Variants in DNAJB5 observed in about 807,000 individuals in gnomAD.
DNAJB5 encodes the protein dnaJ homolog subfamily B member 5.
DNAJB5 carries 12 observed loss-of-function variants against 32.6 expected under a neutral mutation model. The ratio of observed to expected loss-of-function variants is 0.37; its 90% CI spans 0.24 to 0.60. DNAJB5 has a LOEUF of 0.60. Among genes scored for constraint, DNAJB5 ranks in the 20% least tolerant of loss-of-function variants. The probability of loss-of-function intolerance (pLI) is 0.71; values close to 1 mark genes in which losing one functional copy is unlikely to be tolerated. For missense variants in DNAJB5, 358 were observed against 554.2 expected, an observed-to-expected ratio of 0.65 and a Z score of 3.55; for synonymous variants, 188 against 212.9, an observed-to-expected ratio of 0.88 and a Z score of 1.02.
At chr9:34,995,771 C>T (rs1186753642) in intron 3 of DNAJB5, among the ~76,000 whole-genome samples, 3 of 152,202 alleles carry the variant, frequency 2.0e-5, no homozygotes, top group Non-Finnish European at 4.4e-5. Context: ...AGTGGTCTTC[C>T]TCCCGGGTTG....
chr9:34,993,418 G>A lies in DNAJB5; in HGVS notation c.401G>A (p.Gly134Asp), dbSNP rs771170588. 6 of 1,613,540 alleles carry A rather than the reference G, an allele frequency of 3.7e-6. No individual in the cohort carries two copies. The highest frequency in any genetic ancestry group is 1.7e-4 in the Middle Eastern group (1 of 6,056). The change falls in exon 3 of 5, where the codon GGC (glycine) becomes GAC (aspartate). Residue 134 changes from glycine to aspartate, a missense_variant. By Grantham distance (94) the Gly-to-Asp change is moderately conservative. This residue lies in a region of DNAJB5 where 248 missense variants were observed against 442.6 expected (regional missense o/e 0.56). Coordinates refer to ENST00000682809, the MANE Select transcript of DNAJB5 (RefSeq NM_001349723.3). The surrounding 1 kb of genome is among the most constrained non-coding windows in gnomAD (Gnocchi z 4.7). ...YDVLSDPKKRGLYDQYGEEGL... is the reference protein window; with the variant it reads ...YDVLSDPKKRDLYDQYGEEGL... ...GTGCTAAGTGACCCCAAGAAACGGG[G>A]CCTGTATGACCAGTATGGGGAGGAA...
rs1438140878 is a variant in DNAJB5, at chr9:34,990,156, C to A, written c.-133+325C>A. Reference sequence around the variant, plus strand: ...ACCGACCACCCTCCCCCGCCCGAGCCCCCTCCCCTCCTCTCCTCGCCGCGC... The same window carrying A: ...ACCGACCACCCTCCCCCGCCCGAGCACCCTCCCCTCCTCTCCTCGCCGCGC... On this transcript the variant is annotated intron_variant, in intron 1 of 4. Coordinates refer to ENST00000682809, the MANE Select transcript of DNAJB5 (RefSeq NM_001349723.3). This position sits in a 1 kb window ranked among gnomAD's most constrained non-coding sequence, Gnocchi z 4.5. 9 of 864,730 alleles carry A rather than the reference C, an allele frequency of 1.0e-5. No homozygotes were observed. The highest frequency in any genetic ancestry group is 1.3e-5 in the Non-Finnish European group (8 of 606,022). 53.6% of individuals were successfully genotyped at this position (864,730 alleles called of 1,614,324 possible). A position where few individuals can be genotyped will look rare whatever the true frequency, so the allele number is the denominator to read the frequency against.
Position 34,996,929 on chromosome 9 carries a change from C to A in DNAJB5, c.1029+63C>A. 2 of 1,584,938 alleles carry A rather than the reference C, an allele frequency of 1.3e-6. No homozygotes were observed. Among genetic ancestry groups the A allele is most frequent in the Non-Finnish European group, 1.7e-6 (2 of 1,167,638 alleles). On this transcript the variant is annotated intron_variant, in intron 4 of 4. Transcript: ENST00000682809. The surrounding 1 kb of genome is among the most constrained non-coding windows in gnomAD (Gnocchi z 7.2). ...ATGGTGGGGACATTCCCTCTCTTCC[C>A]GCCAGCTGGCACATTCTTTCCCCAC...
chr9:34,994,317 C>A (rs1827734625), intron 3 of DNAJB5, among the ~76,000 whole-genome samples: 1 of 152,198 alleles, frequency 6.6e-6, no homozygotes, highest in Non-Finnish European at 1.5e-5. Context: ...ACTAAATGGG[C>A]TAATCATATG....
chr9:34,995,281 C>T (rs75288585), intron 3 of DNAJB5, among the ~76,000 whole-genome samples: 3,547 of 152,244 alleles, frequency 0.023, 163 homozygotes, highest in African/African-American at 0.081. Context: ...AGAAGGGTCT[C>T]TTTCCTAGCC....
rs1435990117 is a variant in DNAJB5 at position 34,990,807 on chromosome 9, G to C, written c.177G>C (p.Lys59Asn). 6.5e-7 allele frequency: 1 copy of C among 1,550,328 alleles called. No individual in the cohort carries two copies. Residue 59 changes from lysine (K) to asparagine (N), a missense_variant, in exon 2 of 5, where the codon AAG becomes AAC. Lys to Asn is a moderately conservative substitution (Grantham distance 94). Transcript: ENST00000682809. The surrounding 1 kb of genome is among the most constrained non-coding windows in gnomAD (Gnocchi z 4.5). ...LRAWTLNGFV[K>N]FRNKETSAGP... is the part of the protein sequence containing the mutation. ...CGTGGACGCTGAATGGGTTTGTAAA[G>C]TTTCGGTAAGTCCCTCCGGAGAAGG...
At position 34,990,089 on chromosome 9, in the gene DNAJB5, A is replaced by G; in HGVS notation, c.-133+258A>G. ...GACCAGATTGGGTTCTGTGGGGCGG[A>G]GGCATCTGTGAGCAGACCAGCCAGC... On this transcript the variant is annotated intron_variant, in intron 1 of 4. Coordinates refer to ENST00000682809, the MANE Select transcript of DNAJB5 (RefSeq NM_001349723.3). The surrounding 1 kb of genome is among the most constrained non-coding windows in gnomAD (Gnocchi z 4.5). The G allele has an allele frequency of 1.4e-6, 1 of 722,708 alleles. No homozygotes were observed. The highest frequency in any genetic ancestry group is 2.2e-6 in the Non-Finnish European group (1 of 457,678). The allele number at this position is 722,708 out of a possible 1,614,324, so 44.8% of individuals were successfully genotyped here.
Position 34,996,201 on chromosome 9 carries a change from G to C in DNAJB5, c.428-64G>C, listed in dbSNP as rs946943652. 8.3e-6 allele frequency: 13 copies of C among 1,556,898 alleles called. No individual in the cohort carries two copies. Among genetic ancestry groups the C allele is most frequent in the Non-Finnish European group, 1.0e-5 (12 of 1,152,066 alleles). On this transcript the variant is annotated intron_variant, in intron 3 of 4. Transcript: ENST00000682809. The surrounding 1 kb of genome is among the most constrained non-coding windows in gnomAD (Gnocchi z 7.2). ...CTGTGAACTGGGAGCTAGAGGGCAGGGGGAAGACACTGGGATTGGGGCCAG... is the reference window on the plus strand; with the variant it reads ...CTGTGAACTGGGAGCTAGAGGGCAGCGGGAAGACACTGGGATTGGGGCCAG...
At position 34,990,779 on chromosome 9, in the gene DNAJB5, G is replaced by A. The variant is rs1032931397; in HGVS notation, c.149G>A (p.Arg50Gln). Residue 50 changes from arginine to glutamine, a missense_variant, in exon 2 of 5, where the codon CGA (arginine) becomes CAA (glutamine). Physicochemically the swap from Arg to Gln is conservative, Grantham distance 43 (BLOSUM62 1). Coordinates refer to ENST00000682809, the MANE Select transcript of DNAJB5 (RefSeq NM_001349723.3). The surrounding 1 kb of genome is among the most constrained non-coding windows in gnomAD (Gnocchi z 4.5). ...ATTCAGCTGGAGCCCTTAAAACTTC[G>A]AGCGTGGACGCTGAATGGGTTTGTA... is the stretch of plus-strand genomic sequence containing the variant. ...FKIQLEPLKLRAWTLNGFVKF... is the reference protein window; with the variant it reads ...FKIQLEPLKLQAWTLNGFVKF... 5 of 1,551,198 alleles carry A rather than the reference G, an allele frequency of 3.2e-6. No individual in the cohort carries two copies. In the African/African-American group the frequency reaches 4.1e-5, roughly 13 times the overall value.
In DNAJB5 at chr9:34,996,914, C is replaced by A; in HGVS notation, c.1029+48C>A. 1 of 1,584,394 alleles carries A rather than the reference C, an allele frequency of 6.3e-7. No individual in the cohort carries two copies. The highest frequency in any genetic ancestry group is 8.6e-7 in the Non-Finnish European group (1 of 1,166,660). On this transcript the variant is annotated intron_variant, in intron 4 of 4. Coordinates refer to ENST00000682809, the MANE Select transcript of DNAJB5 (RefSeq NM_001349723.3). This position sits in a 1 kb window ranked among gnomAD's most constrained non-coding sequence, Gnocchi z 7.2. ...GTGTGTGCTGGGGAGATGGTGGGGA[C>A]ATTCCCTCTCTTCCCGCCAGCTGGC...
Position 34,990,133 on chromosome 9 carries a change from C to T in DNAJB5, c.-133+302C>T. Reference sequence around the variant, plus strand: ...AGCCAGCCAGCGCGGGTGACATCACCGACCACCCTCCCCCGCCCGAGCCCC... The same window carrying T: ...AGCCAGCCAGCGCGGGTGACATCACTGACCACCCTCCCCCGCCCGAGCCCC... On this transcript the variant is annotated intron_variant, in intron 1 of 4. Transcript: ENST00000682809. The surrounding 1 kb of genome is among the most constrained non-coding windows in gnomAD (Gnocchi z 4.5). 1 of 780,020 alleles carries T rather than the reference C, an allele frequency of 1.3e-6. No individual in the cohort carries two copies. The highest frequency in any genetic ancestry group is 1.8e-5 in the South Asian group (1 of 54,408). The allele number at this position is 780,020 out of a possible 1,614,324, so 48.3% of individuals were successfully genotyped here.
rs956478236 is a variant in DNAJB5 at position 34,993,178 on chromosome 9, C to T, written c.183-22C>T. ...TGGGGCAGAAGAGAAGGCATCAAGT[C>T]TTGGCCCTGGGTTTCTTTCAGAAAC... On this transcript the variant is annotated intron_variant, in intron 2 of 4. Coordinates refer to ENST00000682809, the MANE Select transcript of DNAJB5 (RefSeq NM_001349723.3). This position sits in a 1 kb window ranked among gnomAD's most constrained non-coding sequence, Gnocchi z 4.7. 4 of 1,601,136 alleles carry T rather than the reference C, an allele frequency of 2.5e-6. No individual in the cohort carries two copies. The highest frequency in any genetic ancestry group is 3.4e-6 in the Non-Finnish European group (4 of 1,174,776).
Position 34,990,352 on chromosome 9 carries a change from A to T in DNAJB5, c.-132-147A>T. ...TCACAATCACACCTGTCACAGGTATACACGCTGCCACTCACAAACACACGC... is the reference window on the plus strand; with the variant it reads ...TCACAATCACACCTGTCACAGGTATTCACGCTGCCACTCACAAACACACGC... On this transcript the variant is annotated intron_variant, in intron 1 of 4. Transcript: ENST00000682809. The surrounding 1 kb of genome is among the most constrained non-coding windows in gnomAD (Gnocchi z 4.5). The T allele has an allele frequency of 6.7e-7, 1 of 1,492,788 alleles. No individual in the cohort carries two copies. The highest frequency in any genetic ancestry group is 8.9e-7 in the Non-Finnish European group (1 of 1,120,588). The allele number at this position is 1,492,788 out of a possible 1,614,324, so 92.5% of individuals were successfully genotyped here.
At position 34,996,894 on chromosome 9, in the gene DNAJB5, T is replaced by C. The variant is rs1236811768; in HGVS notation, c.1029+28T>C. 6.3e-7 allele frequency: 1 copy of C among 1,591,856 alleles called. No homozygotes were observed. The highest frequency in any genetic ancestry group is 8.6e-7 in the Non-Finnish European group (1 of 1,169,404). Reference sequence around the variant, plus strand: ...GGGGCCTAGTCAGGCTGTGTGTGTGTGCTGGGGAGATGGTGGGGACATTCC... The same window carrying C: ...GGGGCCTAGTCAGGCTGTGTGTGTGCGCTGGGGAGATGGTGGGGACATTCC... On this transcript the variant is annotated intron_variant, in intron 4 of 4. Transcript: ENST00000682809. The surrounding 1 kb of genome is among the most constrained non-coding windows in gnomAD (Gnocchi z 7.2).
chr9:34,990,208 GC>G lies in DNAJB5; in HGVS notation c.-132-287del, dbSNP rs893580198. 3.9e-6 allele frequency: 5 copies of G among 1,296,728 alleles called. No homozygotes were observed. The African/African-American group carries it at 7.5e-5, about 19-fold the overall frequency. The allele number at this position is 1,296,728 out of a possible 1,614,324, so 80.3% of individuals were successfully genotyped here. A position where few individuals can be genotyped will look rare whatever the true frequency, so the allele number is the denominator to read the frequency against. The stretch of plus-strand genomic sequence containing the variant: ...TTTTGTCCCGGCCGAGCTCCGCTCT[GC>G]CCCGCCCATCTGCGAGGGAGGAGAC... On this transcript the variant is annotated intron_variant, in intron 1 of 4. Coordinates refer to ENST00000682809, the MANE Select transcript of DNAJB5 (RefSeq NM_001349723.3). The surrounding 1 kb of genome is among the most constrained non-coding windows in gnomAD (Gnocchi z 4.5).
intron 2 of DNAJB5, chr9:34,992,431 T>C (rs1207116819): frequency 1.3e-5 from 2 of 152,248 alleles, no homozygotes; most frequent in Non-Finnish European, 2.9e-5. Context: ...ACACTGGTGC[T>C]TAGGCGGCAC....
In DNAJB5 at chr9:34,997,705, C is replaced by T. The variant is rs1318206115; in HGVS notation, c.*446C>T. ...GACATTGCTTTCTCAGCCCCACCCC[C>T]AGGTCCACAGTGTCCAAGGTAATGG... On this transcript the variant is annotated 3_prime_UTR_variant, in exon 5 of 5. Coordinates refer to ENST00000682809, the MANE Select transcript of DNAJB5 (RefSeq NM_001349723.3). This position sits in a 1 kb window ranked among gnomAD's most constrained non-coding sequence, Gnocchi z 4.1. 5.9e-6 allele frequency: 2 copies of T among 340,452 alleles called. No individual in the cohort carries two copies. The highest frequency in any genetic ancestry group is 7.6e-5 in the East Asian group (1 of 13,176). 21.1% of individuals were successfully genotyped at this position (340,452 alleles called of 1,614,324 possible).
chr9:34,995,430 CAGAG>C (rs1433675932), intron 3 of DNAJB5, among the ~76,000 whole-genome samples: 1 of 152,150 alleles, frequency 6.6e-6, no homozygotes, highest in African/African-American at 2.4e-5. Context: ...CAGGACCTGA[CAGAG>C]AGAGCAGCTA....
rs1587503375 is a variant in DNAJB5 at position 34,997,755 on chromosome 9, A to G, written c.*496A>G. The G allele has an allele frequency of 1.0e-5, 3 of 286,484 alleles. No homozygotes were observed. Among genetic ancestry groups the G allele is most frequent in the East Asian group, 8.7e-5 (1 of 11,430 alleles). The allele number at this position is 286,484 out of a possible 1,614,324, so 17.7% of individuals were successfully genotyped here. A position where few individuals can be genotyped will look rare whatever the true frequency, so the allele number is the denominator to read the frequency against. On this transcript the variant is annotated 3_prime_UTR_variant, in exon 5 of 5. Transcript: ENST00000682809. This position sits in a 1 kb window ranked among gnomAD's most constrained non-coding sequence, Gnocchi z 4.1. ...GCACACATATTCATGCACAAGAAGC[A>G]CTCACCTAGAGCTGTCTGTGCCTCT... is the stretch of plus-strand genomic sequence containing the variant.
Sources: gnomAD v4.1 joint callset for allele counts (sites outside exome capture counted in the v4.1 genomes callset) on GRCh38, gnomAD v4.1.1 for gene constraint, gnomAD v4.1.1 regional missense constraint, Gnocchi (gnomAD v3.1) non-coding constraint, MANE v1.5 for transcripts, NCBI Gene and HGNC (gene_info 2026-07-23, HGNC 2026-07-21) for gene names.